The following NEB variants were observed in gnomAD, a reference collection of about 807,000 sequenced individuals.
NEB encodes the protein nemaline myopathy type 2.
A neutral mutation model predicts 952.2 loss-of-function variants in NEB; 512 were observed. The observed-to-expected ratio is 0.54, with a 90% CI of 0.50 to 0.58. The LOEUF (loss-of-function observed/expected upper bound fraction) is 0.58, where lower values mean the gene tolerates loss of function less well. Among genes scored for constraint, NEB ranks in the 20% least tolerant of loss-of-function variants. NEB has a pLI of 0.00. For synonymous variants in NEB, 2,900 were observed against 3,149.8 expected (o/e 0.92, Z 2.66); for missense variants, 8,428 against 9,231.1 (o/e 0.91, Z 3.56).
rs1384800149 is a variant in NEB, at chr2:151,733,771, TC to T, written c.-90del. The stretch of plus-strand genomic sequence containing the variant: ...CATTGGCTTATACAGACTTTTTCTT[TC>T]GTTTCTGTAGCTCTCGTTCAAACCT... On this transcript the variant is annotated 5_prime_UTR_variant, in exon 2 of 182. Coordinates refer to ENST00000397345, the MANE Select transcript of NEB (RefSeq NM_001164508.2). 1.3e-5 allele frequency: 2 copies of T among 152,250 alleles called. No individual in the cohort carries two copies. The highest frequency in any genetic ancestry group is 4.8e-5 in the African/African-American group (2 of 41,464). The allele number at this position is 152,250 out of a possible 1,614,324, so 9.4% of individuals were successfully genotyped here. A position where few individuals can be genotyped will look rare whatever the true frequency, so the allele number is the denominator to read the frequency against.
At chr2:151,514,778 T>A in intron 158 of NEB, 40 bp downstream of exon 158, 2 of 1,350,062 alleles carry the variant, frequency 1.5e-6, no homozygotes, top group Non-Finnish European at 2.1e-6. Flanking sequence ...AGTGCAATTA[T>A]TTGGATTAAG....
chr2:151,692,110 C>T lies in NEB; in HGVS notation c.2055G>A (p.Met685Ile), dbSNP rs779794766. Residue 685 changes from methionine to isoleucine, a missense_variant, in exon 22 of 182, where the codon ATG becomes ATA. Around this residue, in one of 11 missense-constraint regions of NEB, gnomAD observed 2,851 missense variants for 2,791.5 expected, o/e 1.02. Coordinates refer to ENST00000397345, the MANE Select transcript of NEB (RefSeq NM_001164508.2). ...TGCAGTGTGTGTGATATGGGTCCTCCATGCTGCCTACATAATGTCCCAAAA... is the reference window on the plus strand; with the variant it reads ...TGCAGTGTGTGTGATATGGGTCCTCTATGCTGCCTACATAATGTCCCAAAA... ...KDVLGHYVGSMEDPYHTHCMK... is the reference protein window; with the variant it reads ...KDVLGHYVGSIEDPYHTHCMK... The T allele has an allele frequency of 1.9e-6, 3 of 1,613,862 alleles. No homozygotes were observed. The highest frequency in any genetic ancestry group is 1.7e-5 in the Admixed American group (1 of 59,998).
At chr2:151,524,785 G>A (rs191681154) in intron 151 of NEB, among the ~76,000 whole-genome samples, 169 bp from the exon 152 acceptor site, 2 of 143,246 alleles carry the variant, frequency 1.4e-5, no homozygotes, top group Non-Finnish European at 3.0e-5. Flanking sequence ...TTCTGCCTCA[G>A]CCTCCCGAGT....
intron 20 of NEB, among the ~76,000 whole-genome samples, chr2:151,693,911 T>C (rs2099576563): frequency 1.3e-5 from 2 of 152,202 alleles, no homozygotes; most frequent in African/African-American, 4.8e-5. Context: ...ACTTTGCCCT[T>C]ACATTAATTT....
chr2:151,570,101 C>A lies in NEB; in HGVS notation c.17410G>T (p.Ala5804Ser). The A allele has an allele frequency of 6.2e-7, 1 of 1,610,380 alleles. No individual in the cohort carries two copies. Among genetic ancestry groups the A allele is most frequent in the South Asian group, 1.1e-5 (1 of 90,068 alleles). Residue 5804 changes from alanine (A) to serine (S), a missense_variant, in exon 109 of 182, where the codon GCC (alanine) becomes TCC (serine). By Grantham distance (99) the Ala-to-Ser change is moderately conservative (BLOSUM62 1). Around this residue, in one of 11 missense-constraint regions of NEB, gnomAD observed 3,374 missense variants for 3,651.5 expected, o/e 0.92. Coordinates refer to ENST00000397345, the MANE Select transcript of NEB (RefSeq NM_001164508.2). ...CTCACATCGCTCTGCAGTTCGTAGG[C>A]CTTCTTGGCCTGAATCACATCGTTC... Reference protein sequence around the residue: ...DQNDVIQAKKAYELQSDNVYK... With the variant: ...DQNDVIQAKKSYELQSDNVYK...
Position 151,646,207 on chromosome 2 carries a change from C to G in NEB, c.7459G>C (p.Asp2487His). 6.2e-7 allele frequency: 1 copy of G among 1,601,048 alleles called. No homozygotes were observed. Residue 2487 changes from aspartate (D) to histidine (H), a missense_variant, in exon 55 of 182, where the codon GAC (aspartate) becomes CAC (histidine). Physicochemically the swap from Asp to His is moderately conservative, Grantham distance 81. Transcript: ENST00000397345. ...DRLYREAWDK[D>H]KTQIHIMPDT... is the part of the protein sequence containing the mutation. ...GGCATGATGTGGATCTGAGTCTTGT[C>G]TTTGTCCCAAGCTTCTCTATAAAGT...
intron 34 of NEB, among the ~76,000 whole-genome samples, chr2:151,676,985 T>C (rs896264277): frequency 6.6e-6 from 1 of 152,190 alleles, no homozygotes; most frequent in African/African-American, 2.4e-5. Flanking sequence ...TACCAAACTT[T>C]CCTTTAGAAA....
At chr2:151,557,917 G>T (rs1000801949) in intron 124 of NEB, among the ~76,000 whole-genome samples, 1 of 152,198 alleles carries the variant, frequency 6.6e-6, no homozygotes, top group African/African-American at 2.4e-5. Flanking sequence ...ATATCATACT[G>T]AATGGGCAAA....
intron 13 of NEB, among the ~76,000 whole-genome samples, chr2:151,698,452 T>TA (rs1025620436): frequency 7.1e-4 from 108 of 151,992 alleles, no homozygotes; most frequent in Non-Finnish European, 1.2e-4. Flanking sequence ...TTGGGGGGAT[T>TA]AAAAAAAATT....
At chr2:151,707,518 AGG>A (rs1203208116) in intron 12 of NEB, among the ~76,000 whole-genome samples, 3 of 25,736 alleles carry the variant, frequency 1.2e-4, no homozygotes, top group African/African-American at 1.5e-4. Flanking sequence ...TACAAGTAGG[AGG>A]AGGAGGATGG....
intron 76 of NEB, among the ~76,000 whole-genome samples, chr2:151,615,570 T>C (rs911963035): frequency 2.0e-5 from 3 of 152,328 alleles, no homozygotes; most frequent in South Asian, 4.1e-4. Context: ...TTTCTTTTAA[T>C]GCAAGAATAA....
chr2:151,723,545 A>G, intron 8 of NEB, 59 bp from the exon 9 acceptor site: 1 of 1,207,380 alleles, frequency 8.3e-7, no homozygotes, highest in Non-Finnish European at 1.2e-6. Flanking sequence ...CACAAAATAC[A>G]TAGTTTTGAA....
Position 151,717,424 on chromosome 2 carries a change from C to A in NEB, c.814G>T (p.Val272Leu). 6.2e-7 allele frequency: 1 copy of A among 1,609,846 alleles called. No individual in the cohort carries two copies. Among genetic ancestry groups the A allele is most frequent in the South Asian group, 1.1e-5 (1 of 91,010 alleles). Residue 272 changes from valine (V) to leucine (L), a missense_variant, in exon 10 of 182, where the codon GTG becomes TTG. Val to Leu is a conservative substitution (Grantham distance 32, BLOSUM62 1). This residue lies in a region of NEB where 2,851 missense variants were observed against 2,791.5 expected (regional missense o/e 1.02). Transcript: ENST00000397345. ...CAGCTCTATTTACTTACCTTGCTCA[C>A]TTGATTGGTTACTTTCTTGGCAAAT... Reference protein sequence around the residue: ...IEFAKKVTNQVSKQKYKEDYE... With the variant: ...IEFAKKVTNQLSKQKYKEDYE...
At chr2:151,645,397 C>T (rs2098943370) in intron 55 of NEB, among the ~76,000 whole-genome samples, 1 of 152,102 alleles carries the variant, frequency 6.6e-6, no homozygotes, top group African/African-American at 2.4e-5. Flanking sequence ...ACTGAGTCCA[C>T]CATAATTTCT....
In NEB at chr2:151,620,968, T is replaced by C. The variant is rs773932571; in HGVS notation, c.10511A>G (p.Asp3504Gly). 35 of 1,612,986 alleles carry C rather than the reference T, an allele frequency of 2.2e-5. No individual in the cohort carries two copies. The highest frequency in any genetic ancestry group is 2.9e-5 in the Non-Finnish European group (34 of 1,179,554). ...AKKEGYDLRSDAIPIVAAKAS... is the reference protein window; with the variant it reads ...AKKEGYDLRSGAIPIVAAKAS... Reference sequence around the variant, plus strand: ...CTTGGCAGCCACAATGGGAATGGCATCACTTCTCAAGTCATAGCCTTCTTT... The same window carrying C: ...CTTGGCAGCCACAATGGGAATGGCACCACTTCTCAAGTCATAGCCTTCTTT... Residue 3504 changes from aspartate to glycine, a missense_variant, in exon 72 of 182, where the codon GAT becomes GGT. Physicochemically the swap from Asp to Gly is moderately conservative, Grantham distance 94. Coordinates refer to ENST00000397345, the MANE Select transcript of NEB (RefSeq NM_001164508.2).
chr2:151,486,726 A>G (rs1330770621), intron 181 of NEB: 2 of 152,248 alleles, frequency 1.3e-5, no homozygotes, highest in African/African-American at 4.8e-5. Flanking sequence ...ACATGGATGA[A>G]CTTCAAAAGT....
At chr2:151,639,569 A>G (rs986934493) in intron 62 of NEB, among the ~76,000 whole-genome samples, 185 bp from the exon 63 acceptor site, 2 of 152,226 alleles carry the variant, frequency 1.3e-5, no homozygotes, top group Non-Finnish European at 2.9e-5. Flanking sequence ...ATGCCTTCTA[A>G]TAATCTGAAA....
rs993298265 is a variant in NEB at position 151,724,096 on chromosome 2, T to C, written c.612+164A>G. Among the ~76,000 whole-genome samples the C allele has an allele frequency of 1.2e-4, 19 of 152,106 alleles. 1 individual carries two copies. The highest frequency in any genetic ancestry group is 1.2e-3 in the Admixed American group (19 of 15,266). On this transcript the variant is annotated intron_variant, in intron 8 of 181. Transcript: ENST00000397345. Reference sequence around the variant, plus strand: ...TCTGCCTAGGAGCTTTCCTCTCAGTTCCTTTTTGCCAAGCCCTATCCCTGC... The same window carrying C: ...TCTGCCTAGGAGCTTTCCTCTCAGTCCCTTTTTGCCAAGCCCTATCCCTGC...
In NEB at chr2:151,655,295, T is replaced by C. The variant is rs762375127; in HGVS notation, c.6782A>G (p.Lys2261Arg). The C allele has an allele frequency of 6.3e-7, 1 of 1,591,670 alleles. No homozygotes were observed. The highest frequency in any genetic ancestry group is 8.6e-7 in the Non-Finnish European group (1 of 1,162,750). Residue 2261 changes from lysine (K) to arginine (R), a missense_variant, in exon 51 of 182, where the codon AAG (lysine) becomes AGG (arginine). Physicochemically the swap from Lys to Arg is conservative, Grantham distance 26. Around this residue, in one of 11 missense-constraint regions of NEB, gnomAD observed 2,851 missense variants for 2,791.5 expected, o/e 1.02. Coordinates refer to ENST00000397345, the MANE Select transcript of NEB (RefSeq NM_001164508.2). ...CTGACTATACAGTGTTTGATTCTGC[T>C]TGGCTTGTAAAATATCTGGTGTATC... ...MPDTPDILQA[K>R]QNQTLYSQKL...
Sources: allele counts gnomAD v4.1 joint callset (sites outside exome capture counted in the v4.1 genomes callset), GRCh38; gene constraint gnomAD v4.1.1; regional missense constraint gnomAD v4.1.1; transcripts MANE v1.5; gene names NCBI Gene and HGNC (gene_info 2026-07-23, HGNC 2026-07-21).